TMEM232: variants seen among roughly 807,000 people sequenced by gnomAD.
TMEM232 encodes the protein transmembrane protein 232.
Under a neutral mutation model 78.8 loss-of-function variants are expected in TMEM232, and 80 were observed. That is an observed-to-expected ratio of 1.01 (90% confidence interval 0.85 to 1.22). The LOEUF is 1.22. TMEM232 is among the 50% of genes most tolerant of loss of function. The pLI is 0.00. For missense variants in TMEM232, 881 were observed against 742.2 expected, an observed-to-expected ratio of 1.19 and a Z score of -2.17; for synonymous variants, 297 against 254.3, an observed-to-expected ratio of 1.17 and a Z score of -1.60.
At chr5:110,390,231 T>C (rs1253184223) in intron 4 of TMEM232, among the ~76,000 whole-genome samples, 3 of 152,194 alleles carry the variant, frequency 2.0e-5, no homozygotes, top group South Asian at 2.1e-4. Context: ...ATGGGAATTA[T>C]AAGGTTTGAC....
chr5:110,638,154 T>G (rs1233018989), intron 5 of TMEM232, 44 bp downstream of exon 5: 1 of 1,403,250 alleles, frequency 7.1e-7, no homozygotes, highest in South Asian at 1.4e-5. Flanking sequence ...TTACATGTAG[T>G]ATGTGAAATA....
intron 12 of TMEM232, among the ~76,000 whole-genome samples, chr5:110,428,905 A>T (rs1757532602): frequency 6.6e-6 from 1 of 151,864 alleles, no homozygotes; most frequent in African/African-American, 2.4e-5. Flanking sequence ...CCTGGTACAG[A>T]TGACAAAACA....
intron 11 of TMEM232, among the ~76,000 whole-genome samples, chr5:110,549,605 C>CAAAA (rs1209595068): frequency 7.1e-4 from 32 of 45,364 alleles, no homozygotes; most frequent in South Asian, 1.0e-3. Context: ...GTCCCTGTCT[C>CAAAA]AAAAAAAAAA....
intron 10 of TMEM232, among the ~76,000 whole-genome samples, chr5:110,576,323 A>T (rs1777569499): frequency 6.6e-6 from 1 of 152,126 alleles, no homozygotes; most frequent in African/African-American, 2.4e-5. Context: ...AATACAGCTA[A>T]CTATGGCAGT....
intron 2 of TMEM232, among the ~76,000 whole-genome samples, chr5:110,657,683 A>G (rs1158893985): frequency 6.6e-6 from 1 of 152,124 alleles, no homozygotes; most frequent in Non-Finnish European, 1.5e-5. Context: ...TCTATTACAC[A>G]GTAGGGTGAC....
chr5:110,558,403 T>C (rs2149646047), intron 11 of TMEM232, among the ~76,000 whole-genome samples: 1 of 152,058 alleles, frequency 6.6e-6, no homozygotes, highest in South Asian at 2.1e-4. Context: ...AGCAGAGCAG[T>C]AGGGGAAGGC....
intron 5 of TMEM232, chr5:110,628,891 T>C (rs896700980): frequency 6.6e-6 from 1 of 152,124 alleles, no homozygotes; most frequent in East Asian, 1.9e-4. Flanking sequence ...AGCTTTCTAC[T>C]ATGGCAGTGA....
chr5:110,703,490 T>G (rs997588377), intron 1 of TMEM232, among the ~76,000 whole-genome samples: 1 of 152,100 alleles, frequency 6.6e-6, no homozygotes, highest in African/African-American at 2.4e-5. Context: ...GGAAGCCTTT[T>G]CACGGATCTC....
intron 11 of TMEM232, among the ~76,000 whole-genome samples, chr5:110,563,756 C>A (rs939030519): frequency 6.6e-6 from 1 of 151,844 alleles, no homozygotes; most frequent in Non-Finnish European, 1.5e-5. Flanking sequence ...TATTAATTTT[C>A]TTTGTTTTTC....
intron 1 of TMEM232, among the ~76,000 whole-genome samples, chr5:110,675,193 C>T (rs12657248): frequency 0.074 from 11,319 of 151,944 alleles, 522 homozygotes; most frequent in South Asian, 0.18. Context: ...TACAGGCGCA[C>T]GTCACCATGC....
chr5:110,580,049 A>G (rs1175677704), intron 10 of TMEM232, among the ~76,000 whole-genome samples: 1 of 151,700 alleles, frequency 6.6e-6, no homozygotes, highest in Non-Finnish European at 1.5e-5. Flanking sequence ...TTTAAGTCAA[A>G]AAACGGTCAC....
rs56890662 is a variant in TMEM232 at position 110,550,727 on chromosome 5, A to G, written c.1455+17720T>C. Among the ~76,000 whole-genome samples, 653 of 152,020 alleles carry G rather than the reference A, an allele frequency of 4.3e-3. 4 individuals are homozygous for G. The highest frequency in any genetic ancestry group is 0.015 in the African/African-American group (625 of 41,516). On this transcript the variant is annotated intron_variant, in intron 11 of 13. Coordinates refer to ENST00000455884, the MANE Select transcript of TMEM232 (RefSeq NM_001039763.4). ...GGCAGGATGTAAATATCCATGAATTACCTATTATATATTATAATGATATGT... is the reference window on the plus strand; with the variant it reads ...GGCAGGATGTAAATATCCATGAATTGCCTATTATATATTATAATGATATGT...
intron 12 of TMEM232, among the ~76,000 whole-genome samples, chr5:110,441,383 A>G (rs181474507): frequency 2.5e-4 from 38 of 152,292 alleles, no homozygotes; most frequent in Admixed American, 3.9e-4. Context: ...ATGAAATGTT[A>G]TATGATTGCT....
intron 1 of TMEM232, among the ~76,000 whole-genome samples, chr5:110,671,023 A>G (rs1400697014): frequency 1.3e-5 from 2 of 152,152 alleles, no homozygotes; most frequent in East Asian, 3.9e-4. Context: ...TCAAAAGAAG[A>G]CCAAAAGAAA....
intron 12 of TMEM232, among the ~76,000 whole-genome samples, chr5:110,528,322 T>G (rs1182210477): frequency 6.6e-6 from 1 of 151,908 alleles, no homozygotes; most frequent in Admixed American, 6.6e-5. Context: ...ATGATTTGGT[T>G]TCTGTTTTAA....
At chr5:110,670,874 C>T (rs73228133) in intron 1 of TMEM232, among the ~76,000 whole-genome samples, 6,411 of 151,950 alleles carry the variant, frequency 0.042, 440 homozygotes, top group African/African-American at 0.15. Flanking sequence ...AAGAACAATA[C>T]TCAATAAGTA....
intron 11 of TMEM232, among the ~76,000 whole-genome samples, chr5:110,546,944 C>T (rs1239187379): frequency 1.3e-5 from 2 of 150,980 alleles, no homozygotes; most frequent in African/African-American, 2.4e-5. Flanking sequence ...ATAAGTGTTG[C>T]CACGATACTA....
At chr5:110,672,905 G>A (rs2150151040) in intron 1 of TMEM232, among the ~76,000 whole-genome samples, 1 of 152,068 alleles carries the variant, frequency 6.6e-6, no homozygotes, top group Middle Eastern at 3.4e-3. Context: ...TCGTTTTCCA[G>A]GTATCTAGAA....
intron 12 of TMEM232, among the ~76,000 whole-genome samples, chr5:110,522,797 T>G (rs78955056): frequency 6.6e-6 from 1 of 152,176 alleles, no homozygotes; most frequent in East Asian, 1.9e-4. Flanking sequence ...TATTTTAAGA[T>G]GCTTCTGGAT....
Sources: gnomAD v4.1 joint callset for allele counts (sites outside exome capture counted in the v4.1 genomes callset) on GRCh38, gnomAD v4.1.1 for gene constraint, MANE v1.5 for transcripts, NCBI Gene and HGNC (gene_info 2026-07-23, HGNC 2026-07-21) for gene names.